Variants in TRPM3 observed in about 807,000 individuals in gnomAD.
TRPM3 encodes the protein long transient receptor potential channel 3.
Under a neutral mutation model 181.2 loss-of-function variants are expected in TRPM3, and 77 were observed. The observed-to-expected ratio is 0.42, with a 90% CI of 0.35 to 0.51. TRPM3 has a LOEUF of 0.51. Ranked by LOEUF, TRPM3 falls within the 20% of genes least tolerant of loss-of-function variation. The pLI, the probability that TRPM3 is intolerant of heterozygous loss-of-function variation, is 0.01. For synonymous variants in TRPM3, 745 were observed against 796.4 expected (o/e 0.94, Z 1.09); for missense variants, 1,759 against 2,196.7 (o/e 0.80, Z 3.98).
At chr9:71,440,978 T>G (rs1323794070) in intron 1 of TRPM3, among the ~76,000 whole-genome samples, 1 of 152,206 alleles carries the variant, frequency 6.6e-6, no homozygotes, top group Non-Finnish European at 1.5e-5. Context: ...TGTTCTAATA[T>G]CTTTGGGAAT....
intron 1 of TRPM3, among the ~76,000 whole-genome samples, chr9:71,280,396 T>A (rs181388739): frequency 1.3e-5 from 2 of 152,224 alleles, no homozygotes; most frequent in Admixed American, 6.5e-5. Context: ...TGGGAACATA[T>A]GTATGTTATG....
intron 1 of TRPM3, among the ~76,000 whole-genome samples, chr9:71,226,593 TATA>T (rs2080673556): frequency 6.6e-6 from 1 of 152,104 alleles, no homozygotes; most frequent in African/African-American, 2.4e-5. Flanking sequence ...AAGGTTATTA[TATA>T]ATAATAAAGG....
chr9:71,400,784 T>G (rs987208887), intron 1 of TRPM3, among the ~76,000 whole-genome samples: 5 of 150,678 alleles, frequency 3.3e-5, no homozygotes, highest in African/African-American at 1.2e-4. Flanking sequence ...TGTATTTTAC[T>G]AGTTCTTTTT....
At chr9:70,925,373 G>A (rs1158298848) in intron 1 of TRPM3, among the ~76,000 whole-genome samples, 1 of 152,054 alleles carries the variant, frequency 6.6e-6, no homozygotes, top group Non-Finnish European at 1.5e-5. Context: ...TATTACACTA[G>A]ACTTTTTTCC....
rs117786138 is a variant in TRPM3, at chr9:70,930,646, G to A, written c.178-66135C>T. 4.3e-4 allele frequency among the ~76,000 whole-genome samples: 66 copies of A among 152,278 alleles called. 5 individuals are homozygous for A. The East Asian group carries it at 0.012, about 28-fold the overall frequency. On this transcript the variant is annotated intron_variant, in intron 1 of 25. Transcript: ENST00000677713. ...ATTAGCAGGCATTATGGCATAAGAT[G>A]TAGGGTTATCAAGAAGCAATGGATG...
chr9:71,379,619 C>A (rs1204648030), intron 1 of TRPM3, among the ~76,000 whole-genome samples: 1 of 151,954 alleles, frequency 6.6e-6, no homozygotes, highest in African/African-American at 2.4e-5. Flanking sequence ...CTGAATGATG[C>A]AATACCTTCC....
At chr9:71,097,570 T>C (rs1426350229) in intron 1 of TRPM3, among the ~76,000 whole-genome samples, 2 of 151,994 alleles carry the variant, frequency 1.3e-5, no homozygotes, top group African/African-American at 4.8e-5. Context: ...CCTCTCTCAT[T>C]GGCACCAGTG....
At chr9:71,268,395 T>C (rs1230088144) in intron 1 of TRPM3, among the ~76,000 whole-genome samples, 2 of 151,126 alleles carry the variant, frequency 1.3e-5, no homozygotes, top group Non-Finnish European at 3.0e-5. Context: ...ATAATAATAA[T>C]AATAAAAAAC....
intron 1 of TRPM3, among the ~76,000 whole-genome samples, chr9:71,420,737 A>AAG (rs1428301769): frequency 2.0e-5 from 1 of 49,388 alleles, no homozygotes; most frequent in African/African-American, 7.6e-5. Context: ...GAGAGAGAGA[A>AAG]AGAGAGAGAA....
Position 70,604,257 on chromosome 9 carries a change from C to T in TRPM3, c.2668-787G>A, listed in dbSNP as rs141273664. On this transcript the variant is annotated intron_variant, in intron 19 of 25. Transcript: ENST00000677713. ...AACTCCCTAGGGTTTGGTGACTGCT[C>T]CTGGAAGATTCAGTTGTGTCAAGGT... 1.1e-4 allele frequency among the ~76,000 whole-genome samples: 16 copies of T among 152,252 alleles called. No homozygotes were observed. The East Asian group carries it at 2.7e-3, about 26-fold the overall frequency.
chr9:70,626,218 G>T (rs1035429881), intron 12 of TRPM3, among the ~76,000 whole-genome samples: 1 of 152,096 alleles, frequency 6.6e-6, no homozygotes, highest in Non-Finnish European at 1.5e-5. Flanking sequence ...GAAAATTTTT[G>T]CTGTTAGGTC....
intron 6 of TRPM3, among the ~76,000 whole-genome samples, chr9:70,817,356 T>C (rs1459770813): frequency 6.6e-6 from 1 of 152,138 alleles, no homozygotes; most frequent in East Asian, 1.9e-4. Flanking sequence ...TGGGCTCTCA[T>C]GGACCATGCA....
At chr9:71,059,526 G>A (rs563560429) in intron 1 of TRPM3, among the ~76,000 whole-genome samples, 12 of 152,116 alleles carry the variant, frequency 7.9e-5, no homozygotes, top group African/African-American at 2.6e-4. Flanking sequence ...CTGGGCTATC[G>A]TACCCAGTTA....
rs1042385743 is a variant in TRPM3, at chr9:70,625,704, C to T, written c.1633-187G>A. Among the ~76,000 whole-genome samples the T allele has an allele frequency of 8.5e-5, 13 of 152,148 alleles. No individual in the cohort carries two copies. Among genetic ancestry groups the T allele is most frequent in the African/African-American group, 2.4e-4 (10 of 41,432 alleles). On this transcript the variant is annotated intron_variant, in intron 12 of 25. Transcript: ENST00000677713. The surrounding 1 kb of genome is among the most constrained non-coding windows in gnomAD (Gnocchi z 4.8). Reference sequence around the variant, plus strand: ...TAGGAACTAGGTTTCCCCAGATGCTCCCCAAGCCCGCATTTCTGCCTCTGA... The same window carrying T: ...TAGGAACTAGGTTTCCCCAGATGCTTCCCAAGCCCGCATTTCTGCCTCTGA...
intron 1 of TRPM3, among the ~76,000 whole-genome samples, chr9:71,065,461 G>A (rs1355696875): frequency 6.6e-6 from 1 of 152,078 alleles, no homozygotes; most frequent in Non-Finnish European, 1.5e-5. Context: ...GGGACCATCT[G>A]TGCTGCTACT....
intron 1 of TRPM3, among the ~76,000 whole-genome samples, chr9:71,279,061 A>AAAAAAAAAAAAC: frequency 9.1e-6 from 1 of 110,118 alleles, no homozygotes; most frequent in Non-Finnish European, 2.1e-5. Context: ...AAAAATAAAA[A>AAAAAAAAAAAAC]TAAAAAAACC....
chr9:70,960,100 T>G (rs1177692194), intron 1 of TRPM3, among the ~76,000 whole-genome samples: 1 of 152,066 alleles, frequency 6.6e-6, no homozygotes, highest in Non-Finnish European at 1.5e-5. Flanking sequence ...ATTGCAAGTC[T>G]GCTAATTCAT....
intron 7 of TRPM3, among the ~76,000 whole-genome samples, chr9:70,783,686 G>A (rs2082972835): frequency 6.6e-6 from 1 of 152,158 alleles, no homozygotes; most frequent in African/African-American, 2.4e-5. Context: ...GCTGGTGTTT[G>A]GAGGCCAAGC....
At chr9:70,929,508 T>TTTTA (rs959834681) in intron 1 of TRPM3, among the ~76,000 whole-genome samples, 1 of 152,110 alleles carries the variant, frequency 6.6e-6, no homozygotes, top group Non-Finnish European at 1.5e-5. Context: ...TTTAAAATTA[T>TTTTA]TTTATTTATT....
Sources: gnomAD v4.1 joint callset for allele counts (sites outside exome capture counted in the v4.1 genomes callset) on GRCh38, gnomAD v4.1.1 for gene constraint, Gnocchi (gnomAD v3.1) non-coding constraint, MANE v1.5 for transcripts, NCBI Gene and HGNC (gene_info 2026-07-23, HGNC 2026-07-21) for gene names.